RAP1GAP2: variants seen among roughly 807,000 people sequenced by gnomAD.
The protein encoded by RAP1GAP2 is RAP1 GTPase activating protein 2.
Under a neutral mutation model 95.0 loss-of-function variants are expected in RAP1GAP2, and 27 were observed. The ratio of observed to expected loss-of-function variants is 0.28; its 90% CI spans 0.21 to 0.39. The LOEUF is 0.39. RAP1GAP2 is among the 10% of genes least tolerant of loss of function. The probability of loss-of-function intolerance (pLI) is 1.00; values close to 1 mark genes in which losing one functional copy is unlikely to be tolerated. For synonymous variants in RAP1GAP2, 373 were observed against 380.9 expected (o/e 0.98, Z 0.24); for missense variants, 771 against 970.0 (o/e 0.79, Z 2.72).
At chr17:2,955,440 A>G (rs547338949) in intron 3 of RAP1GAP2, among the ~76,000 whole-genome samples, 30 of 152,208 alleles carry the variant, frequency 2.0e-4, no homozygotes, top group African/African-American at 5.5e-4. Flanking sequence ...GTATATGTGT[A>G]TTTAGATCCT....
chr17:2,858,358 C>T lies in RAP1GAP2; in HGVS notation c.81-46926C>T, dbSNP rs536512897. The stretch of plus-strand genomic sequence containing the variant: ...GATCCCTTTGTTGTGGAGTATCATA[C>T]CTGGTGGGTTATTCCTGGGTAGAAA... On this transcript the variant is annotated intron_variant, in intron 2 of 24. Coordinates refer to ENST00000254695, the MANE Select transcript of RAP1GAP2 (RefSeq NM_015085.5). Among the ~76,000 whole-genome samples, 4 of 152,152 alleles carry T rather than the reference C, an allele frequency of 2.6e-5. No homozygotes were observed. In the East Asian group the frequency reaches 7.7e-4, roughly 29 times the overall value.
intron 2 of RAP1GAP2, among the ~76,000 whole-genome samples, chr17:2,888,660 T>C (rs1034630002): frequency 1.7e-4 from 25 of 150,060 alleles, no homozygotes; most frequent in African/African-American, 5.6e-4. Context: ...TTCTTTTTTT[T>C]TTTTTTTTTG....
chr17:3,023,535 A>G lies in RAP1GAP2; in HGVS notation c.1752-2473A>G, dbSNP rs114726749. 3.7e-3 allele frequency among the ~76,000 whole-genome samples: 560 copies of G among 152,324 alleles called. 7 individuals carry two copies. Among genetic ancestry groups the G allele is most frequent in the African/African-American group, 0.013 (528 of 41,572 alleles). On this transcript the variant is annotated intron_variant, in intron 19 of 24. Transcript: ENST00000254695. ...GAGGCAGGGTTATGGAGAAGGATGA[A>G]AAGCTCTGTTTGGAACCTGTGCATG...
chr17:2,850,136 G>A (rs1334527392), intron 2 of RAP1GAP2, among the ~76,000 whole-genome samples: 1 of 151,482 alleles, frequency 6.6e-6, no homozygotes, highest in Non-Finnish European at 1.5e-5. Flanking sequence ...GAGTAGCTGG[G>A]ATTACAGGCA....
intron 2 of RAP1GAP2, among the ~76,000 whole-genome samples, chr17:2,771,486 G>GTTTTTTTTTT: frequency 8.1e-6 from 1 of 123,476 alleles, no homozygotes; most frequent in African/African-American, 3.3e-5. Flanking sequence ...CCACTTTTTT[G>GTTTTTTTTTT]TTTTTTTTTT....
At chr17:2,814,560 G>T (rs115447821) in intron 2 of RAP1GAP2, among the ~76,000 whole-genome samples, 6 of 152,158 alleles carry the variant, frequency 3.9e-5, no homozygotes, top group Non-Finnish European at 8.8e-5. Context: ...CTCCCGCGCC[G>T]TGGGGATCTG....
At chr17:3,012,226 C>G (rs1391363662) in intron 17 of RAP1GAP2, among the ~76,000 whole-genome samples, 1 of 152,122 alleles carries the variant, frequency 6.6e-6, no homozygotes. Context: ...TCAAGCTGAA[C>G]TGCTTGGAGA....
At chr17:2,970,081 C>T (rs1324080256) in intron 8 of RAP1GAP2, among the ~76,000 whole-genome samples, 1 of 151,672 alleles carries the variant, frequency 6.6e-6, no homozygotes, top group Non-Finnish European at 1.5e-5. Context: ...TAAGACCAGC[C>T]TGGCTAACAT....
intron 3 of RAP1GAP2, among the ~76,000 whole-genome samples, chr17:2,945,024 C>A (rs1341408194): frequency 6.6e-6 from 1 of 152,100 alleles, no homozygotes; most frequent in Admixed American, 6.5e-5. Context: ...CAGGCGCCCG[C>A]CACCACGCCC....
intron 2 of RAP1GAP2, among the ~76,000 whole-genome samples, chr17:2,820,871 G>A (rs1216093807): frequency 1.3e-4 from 6 of 47,952 alleles, no homozygotes; most frequent in African/African-American, 3.0e-4. Flanking sequence ...ACAGGTGCCC[G>A]CCACCACGGC....
At chr17:2,853,253 G>C (rs1663091344) in intron 2 of RAP1GAP2, among the ~76,000 whole-genome samples, 1 of 152,136 alleles carries the variant, frequency 6.6e-6, no homozygotes, top group African/African-American at 2.4e-5. Context: ...CTGCGAGCCG[G>C]GGCGGGCGCC....
At chr17:2,801,546 T>C (rs1048813356) in intron 2 of RAP1GAP2, among the ~76,000 whole-genome samples, 1 of 151,662 alleles carries the variant, frequency 6.6e-6, no homozygotes. Flanking sequence ...ATCCTGGCAG[T>C]GACTTTCTGA....
At chr17:2,927,683 G>C (rs529498533) in intron 3 of RAP1GAP2, among the ~76,000 whole-genome samples, 10 of 152,062 alleles carry the variant, frequency 6.6e-5, no homozygotes, top group Admixed American at 1.3e-4. Context: ...GTGAGTGTTG[G>C]GGGGCAGTAT....
rs2046290362 is a variant in RAP1GAP2, at chr17:3,005,022, C to T, written c.1201-347C>T. Among the ~76,000 whole-genome samples, 1 of 152,064 alleles carries T rather than the reference C, an allele frequency of 6.6e-6. No individual in the cohort carries two copies. Among genetic ancestry groups the T allele is most frequent in the South Asian group, 2.1e-4 (1 of 4,814 alleles). On this transcript the variant is annotated intron_variant, in intron 14 of 24. Transcript: ENST00000254695. This position sits in a 1 kb window ranked among gnomAD's most constrained non-coding sequence, Gnocchi z 5.2. ...TCAGGGAGAACAGTTCTCCCTGTGC[C>T]TTCTCAGTAGGATTAGCGTCACGGT...
rs969603328 is a variant in RAP1GAP2, at chr17:2,797,396, C to T, written c.44+825C>T. 1.3e-5 allele frequency among the ~76,000 whole-genome samples: 2 copies of T among 152,160 alleles called. No individual in the cohort carries two copies. The highest frequency in any genetic ancestry group is 2.9e-5 in the Non-Finnish European group (2 of 68,036). The stretch of plus-strand genomic sequence containing the variant: ...TGGTTCCCAGTGCTGGCAGCTTCTT[C>T]GCAGCTGGGGAACAGAGTCTGGTGG... On this transcript the variant is annotated intron_variant, in intron 1 of 24. Coordinates refer to ENST00000254695, the MANE Select transcript of RAP1GAP2 (RefSeq NM_015085.5). The surrounding 1 kb of genome is among the most constrained non-coding windows in gnomAD (Gnocchi z 5.6).
intron 1 of RAP1GAP2, among the ~76,000 whole-genome samples, chr17:2,756,900 C>G (rs1048421459): frequency 6.6e-6 from 1 of 152,140 alleles, no homozygotes; most frequent in African/African-American, 2.4e-5. Flanking sequence ...AAGGTTTGAA[C>G]CAGGTCTTGC....
chr17:2,985,506 C>A (rs1431321286), intron 11 of RAP1GAP2, among the ~76,000 whole-genome samples: 2 of 152,130 alleles, frequency 1.3e-5, no homozygotes, highest in South Asian at 2.1e-4. Context: ...AACTCTGTTC[C>A]GTGACATCAT....
intron 2 of RAP1GAP2, among the ~76,000 whole-genome samples, chr17:2,839,975 T>C (rs1296273985): frequency 6.6e-6 from 1 of 151,162 alleles, no homozygotes; most frequent in Non-Finnish European, 1.5e-5. Context: ...TTTTTGTATT[T>C]TTAGTAGAAA....
At chr17:2,884,390 T>TTTTA (rs34711482) in intron 2 of RAP1GAP2, among the ~76,000 whole-genome samples, 1 of 150,492 alleles carries the variant, frequency 6.6e-6, no homozygotes, top group Non-Finnish European at 1.5e-5. Flanking sequence ...TTTTTTTTTT[T>TTTTA]GAGACAGAAT....
Sources: gnomAD v4.1 joint callset for allele counts (sites outside exome capture counted in the v4.1 genomes callset) on GRCh38, gnomAD v4.1.1 for gene constraint, Gnocchi (gnomAD v3.1) non-coding constraint, MANE v1.5 for transcripts, NCBI Gene and HGNC (gene_info 2026-07-23, HGNC 2026-07-21) for gene names.